Variants in C3orf20 observed in about 807,000 individuals in gnomAD.
C3orf20 encodes the protein uncharacterized protein C3orf20.
C3orf20 carries 76 observed loss-of-function variants against 88.3 expected under a neutral mutation model. That is an observed-to-expected ratio of 0.86 (90% CI 0.72 to 1.04). C3orf20 has a LOEUF of 1.04. Ranked by LOEUF, C3orf20 falls within the 50% of genes least tolerant of loss-of-function variation. The probability of loss-of-function intolerance (pLI) is 0.00; values close to 1 mark genes in which losing one functional copy is unlikely to be tolerated. For missense variants in C3orf20, 1,056 were observed against 1,123.3 expected, an observed-to-expected ratio of 0.94 and a Z score of 0.86; for synonymous variants, 436 against 437.4, an observed-to-expected ratio of 1.00 and a Z score of 0.04.
Position 14,683,075 on chromosome 3 carries a change from C to A in C3orf20, c.362C>A (p.Pro121His). The change falls in exon 3 of 17, where the codon CCC becomes CAC. Residue 121 changes from proline (P) to histidine (H), a missense_variant. Pro to His is a moderately conservative substitution (Grantham distance 77). Coordinates refer to ENST00000253697, the MANE Select transcript of C3orf20 (RefSeq NM_032137.5). ...TGAAKRSTLSPTMARQVRTHQ... is the reference protein window; with the variant it reads ...TGAAKRSTLSHTMARQVRTHQ... ...GCAGCCAAGCGCTCCACCCTCTCTCCCACCATGGCCCGTCAGGTGCGCACC... is the reference window on the plus strand; with the variant it reads ...GCAGCCAAGCGCTCCACCCTCTCTCACACCATGGCCCGTCAGGTGCGCACC... 1 of 1,611,918 alleles carries A rather than the reference C, an allele frequency of 6.2e-7. No individual in the cohort carries two copies. The highest frequency in any genetic ancestry group is 2.2e-5 in the East Asian group (1 of 44,788).
chr3:14,712,209 C>T (rs2033775573), intron 7 of C3orf20, among the ~76,000 whole-genome samples: 1 of 144,400 alleles, frequency 6.9e-6, no homozygotes, highest in African/African-American at 2.6e-5. Flanking sequence ...CACACACACA[C>T]ACACACAGAA....
chr3:14,684,505 C>T (rs577354072), intron 4 of C3orf20, 123 bp downstream of exon 4: 9 of 1,294,134 alleles, frequency 7.0e-6, no homozygotes, highest in Non-Finnish European at 9.5e-6. Context: ...GGATGTGGAG[C>T]AACAGGGATT....
chr3:14,722,836 C>T (rs2034215286), intron 10 of C3orf20, among the ~76,000 whole-genome samples: 1 of 152,110 alleles, frequency 6.6e-6, no homozygotes, highest in South Asian at 2.1e-4. Flanking sequence ...CTGGTGATGT[C>T]AAGTCAACAT....
chr3:14,769,450 T>C (rs1316835062), intron 15 of C3orf20, among the ~76,000 whole-genome samples: 1 of 151,830 alleles, frequency 6.6e-6, no homozygotes, highest in Non-Finnish European at 1.5e-5. Flanking sequence ...TAACATGCTA[T>C]CCAGATGGGA....
At chr3:14,746,591 G>A (rs1267749287) in intron 12 of C3orf20, among the ~76,000 whole-genome samples, 1 of 152,192 alleles carries the variant, frequency 6.6e-6, no homozygotes, top group Non-Finnish European at 1.5e-5. Context: ...CTTGAAGTTA[G>A]GCTAGTTGTC....
intron 12 of C3orf20, among the ~76,000 whole-genome samples, chr3:14,745,752 A>G (rs1443469288): frequency 6.6e-6 from 1 of 152,250 alleles, no homozygotes; most frequent in East Asian, 1.9e-4. Context: ...ATGTTACCTT[A>G]GTATAGTTTT....
intron 1 of C3orf20, among the ~76,000 whole-genome samples, chr3:14,680,741 T>C (rs753351264): frequency 6.6e-6 from 1 of 152,170 alleles, no homozygotes; most frequent in East Asian, 1.9e-4. Flanking sequence ...GGGGGATAAG[T>C]TTCCCAAACC....
At chr3:14,691,058 C>G (rs906729827) in intron 5 of C3orf20, among the ~76,000 whole-genome samples, 2 of 152,266 alleles carry the variant, frequency 1.3e-5, no homozygotes, top group African/African-American at 4.8e-5. Flanking sequence ...ATCCTATACT[C>G]TTTCCGTTAT....
At chr3:14,755,896 G>C (rs1288192978) in intron 12 of C3orf20, among the ~76,000 whole-genome samples, 1 of 151,832 alleles carries the variant, frequency 6.6e-6, no homozygotes, top group Non-Finnish European at 1.5e-5. Context: ...AGGCGTGGTG[G>C]TGGGCGCCTG....
intron 1 of C3orf20, among the ~76,000 whole-genome samples, chr3:14,680,999 G>A (rs778378960): frequency 5.3e-5 from 8 of 152,246 alleles, no homozygotes; most frequent in Non-Finnish European, 1.0e-4. Context: ...GCCACTATCT[G>A]CAAACCAGCA....
chr3:14,761,330 G>T, intron 14 of C3orf20, 143 bp from the exon 15 acceptor site: 3 of 953,506 alleles, frequency 3.1e-6, no homozygotes, highest in Non-Finnish European at 4.8e-6. Flanking sequence ...TCCTTCCCCA[G>T]CCACCCCAGG....
At chr3:14,751,281 G>A (rs2035211577) in intron 12 of C3orf20, among the ~76,000 whole-genome samples, 1 of 152,110 alleles carries the variant, frequency 6.6e-6, no homozygotes, top group Non-Finnish European at 1.5e-5. Flanking sequence ...AAACAGCTCT[G>A]GTCTACAGCT....
chr3:14,741,829 T>A (rs2034908115), intron 12 of C3orf20, among the ~76,000 whole-genome samples: 1 of 152,214 alleles, frequency 6.6e-6, no homozygotes, highest in South Asian at 2.1e-4. Context: ...TATTTATACC[T>A]GCTTTTAATT....
chr3:14,722,488 C>G (rs988487244), intron 10 of C3orf20: 13 of 456,482 alleles, frequency 2.8e-5, no homozygotes, highest in African/African-American at 2.6e-4. Context: ...GTGCTGTTAC[C>G]AGGAGAAGAA....
chr3:14,698,813 A>G (rs1402493055), intron 5 of C3orf20, among the ~76,000 whole-genome samples: 2 of 152,188 alleles, frequency 1.3e-5, no homozygotes, highest in African/African-American at 4.8e-5. Context: ...GGGATCTACA[A>G]TCAGCAGGTG....
intron 12 of C3orf20, among the ~76,000 whole-genome samples, chr3:14,738,492 C>T (rs1242229068): frequency 1.3e-5 from 2 of 151,944 alleles, no homozygotes; most frequent in African/African-American, 4.8e-5. Context: ...CCACACCTGG[C>T]TAATTTTTTG....
intron 12 of C3orf20, among the ~76,000 whole-genome samples, chr3:14,738,515 T>C (rs1244334422): frequency 6.6e-6 from 1 of 151,602 alleles, no homozygotes; most frequent in African/African-American, 2.4e-5. Context: ...TTTTTTTTAG[T>C]ACAGATGGGG....
At chr3:14,716,971 T>C (rs1321521849) in intron 9 of C3orf20, among the ~76,000 whole-genome samples, 1 of 152,228 alleles carries the variant, frequency 6.6e-6, no homozygotes, top group East Asian at 1.9e-4. Context: ...TGTTTACCTT[T>C]TCATAGTTGT....
At chr3:14,749,253 A>G (rs1575150569) in intron 12 of C3orf20, among the ~76,000 whole-genome samples, 1 of 152,206 alleles carries the variant, frequency 6.6e-6, no homozygotes, top group Admixed American at 6.5e-5. Context: ...TTTGTCTGAT[A>G]TTAGTATAAC....
Sources: gnomAD v4.1 joint callset for allele counts (sites outside exome capture counted in the v4.1 genomes callset) on GRCh38, gnomAD v4.1.1 for gene constraint, MANE v1.5 for transcripts, NCBI Gene and HGNC (gene_info 2026-07-23, HGNC 2026-07-21) for gene names.